TRHDE: variants seen among roughly 807,000 people sequenced by gnomAD.
TRHDE encodes the protein thyrotropin releasing hormone degrading enzyme, also known as thyrotropin-releasing hormone-degrading ectoenzyme.
A neutral mutation model predicts 125.7 loss-of-function variants in TRHDE; 72 were observed. That is an observed-to-expected ratio of 0.57 (90% confidence interval 0.47 to 0.70). TRHDE has a LOEUF of 0.70. Among genes scored for constraint, TRHDE ranks in the 30% least tolerant of loss-of-function variants. The pLI, the probability that TRHDE is intolerant of heterozygous loss-of-function variation, is 0.00. For missense variants in TRHDE, 1,110 were observed against 1,327.1 expected, an observed-to-expected ratio of 0.84 and a Z score of 2.54; for synonymous variants, 509 against 509.1, an observed-to-expected ratio of 1.00 and a Z score of 0.00.
chr12:72,243,668 G>A (rs1320970053), intron 2 of TRHDE, among the ~76,000 whole-genome samples: 1 of 152,154 alleles, frequency 6.6e-6, no homozygotes, highest in Non-Finnish European at 1.5e-5. Flanking sequence ...CTATGTAACA[G>A]CACTGCTTTT....
intron 6 of TRHDE, among the ~76,000 whole-genome samples, chr12:72,505,686 G>C (rs1472944158): frequency 1.3e-5 from 2 of 152,092 alleles, no homozygotes; most frequent in Non-Finnish European, 2.9e-5. Context: ...AATCTTCAAG[G>C]GATCATTGGG....
At chr12:72,385,876 C>T (rs1435968014) in intron 3 of TRHDE, among the ~76,000 whole-genome samples, 2 of 152,042 alleles carry the variant, frequency 1.3e-5, no homozygotes, top group South Asian at 2.1e-4. Flanking sequence ...TCAATGAAAA[C>T]AATGCATCTG....
intron 10 of TRHDE, 34 bp downstream of exon 10, chr12:72,568,690 GGTTT>G: frequency 1.4e-6 from 2 of 1,457,474 alleles, no homozygotes; most frequent in Non-Finnish European, 1.9e-6. Flanking sequence ...GGAAGTATCT[GGTTT>G]CAGATAATTG....
At chr12:72,222,045 A>T (rs949112561) in intron 2 of TRHDE, among the ~76,000 whole-genome samples, 9 of 152,092 alleles carry the variant, frequency 5.9e-5, no homozygotes, top group African/African-American at 2.2e-4. Flanking sequence ...AATTTCTTAC[A>T]TCGTGGTCGA....
rs115481048 is a variant in TRHDE, at chr12:72,542,523, A to G, written c.1788+167A>G. On this transcript the variant is annotated intron_variant, in intron 7 of 18. Coordinates refer to ENST00000261180, the MANE Select transcript of TRHDE (RefSeq NM_013381.3). ...AATGAAAATTCTAGATAGGATACTC[A>G]CGATATCAACTGACAAAACTTGAAC... Among the ~76,000 whole-genome samples, 1,480 of 151,478 alleles carry G rather than the reference A, an allele frequency of 9.8e-3. 26 individuals carry two copies. The highest frequency in any genetic ancestry group is 0.034 in the African/African-American group (1,407 of 41,478).
chr12:72,144,621 T>C (rs1449384051), intron 2 of TRHDE, among the ~76,000 whole-genome samples: 2 of 152,204 alleles, frequency 1.3e-5, no homozygotes, highest in Admixed American at 6.5e-5. Context: ...TTGTTTTCCA[T>C]GAAGTCCCTG....
intron 7 of TRHDE, among the ~76,000 whole-genome samples, chr12:72,561,836 T>A (rs895577553): frequency 1.1e-4 from 17 of 152,176 alleles, no homozygotes; most frequent in Non-Finnish European, 1.5e-5. Context: ...AAAGTTTCTC[T>A]AAATATTTCA....
rs901534575 is a variant in TRHDE, at chr12:72,273,774, G to A, written c.914+217G>A. 7 of 548,954 alleles carry A rather than the reference G, an allele frequency of 1.3e-5. No homozygotes were observed. In the African/African-American group the frequency reaches 1.3e-4, roughly 10 times the overall value. The allele number at this position is 548,954 out of a possible 1,614,324, so 34.0% of individuals were successfully genotyped here. A position where few individuals can be genotyped will look rare whatever the true frequency, so the allele number is the denominator to read the frequency against. ...CAACTTCGCAAACTGACTCACCGGT[G>A]CCAAAAGATGAATGCTGCCCCCTCC... On this transcript the variant is annotated intron_variant, in intron 1 of 18. Coordinates refer to ENST00000261180, the MANE Select transcript of TRHDE (RefSeq NM_013381.3). This position sits in a 1 kb window ranked among gnomAD's most constrained non-coding sequence, Gnocchi z 5.3.
chr12:72,244,309 A>G (rs1387879785), intron 2 of TRHDE, among the ~76,000 whole-genome samples: 1 of 152,184 alleles, frequency 6.6e-6, no homozygotes, highest in African/African-American at 2.4e-5. Context: ...GAGCTTTTCC[A>G]AAGGATATTA....
intron 3 of TRHDE, among the ~76,000 whole-genome samples, chr12:72,426,087 TACAAGTG>T (rs1874173607): frequency 6.6e-6 from 1 of 152,122 alleles, no homozygotes; most frequent in Non-Finnish European, 1.5e-5. Context: ...TGGAATTATA[TACAAGTG>T]ACAATAGTAT....
intron 3 of TRHDE, among the ~76,000 whole-genome samples, chr12:72,443,071 C>T (rs1261615077): frequency 6.6e-6 from 1 of 151,772 alleles, no homozygotes; most frequent in Non-Finnish European, 1.5e-5. Context: ...CATGTAAAGT[C>T]CTCCACGATT....
intron 1 of TRHDE, among the ~76,000 whole-genome samples, chr12:72,277,921 A>G (rs1879549750): frequency 6.6e-6 from 1 of 152,106 alleles, no homozygotes; most frequent in African/African-American, 2.4e-5. Flanking sequence ...CAAATGCATC[A>G]TCTCATATAG....
At chr12:72,434,241 C>T (rs182909115) in intron 3 of TRHDE, among the ~76,000 whole-genome samples, 94 of 151,790 alleles carry the variant, frequency 6.2e-4, no homozygotes, top group African/African-American at 1.8e-3. Context: ...AAAAATTAGC[C>T]GAGCATGGTG....
At chr12:72,598,710 TTTTTC>T (rs1413498465) in intron 12 of TRHDE, among the ~76,000 whole-genome samples, 1 of 152,118 alleles carries the variant, frequency 6.6e-6, no homozygotes, top group African/African-American at 2.4e-5. Flanking sequence ...TCCTGGTTAG[TTTTTC>T]TTTTCTTTTT....
intron 2 of TRHDE, among the ~76,000 whole-genome samples, chr12:72,173,672 T>C (rs1876926348): frequency 6.6e-6 from 1 of 152,148 alleles, no homozygotes; most frequent in Admixed American, 6.6e-5. Context: ...ATTGTAAACT[T>C]AAAGAGTTAC....
At chr12:72,297,324 T>C (rs1265973098) in intron 2 of TRHDE, among the ~76,000 whole-genome samples, 1 of 151,954 alleles carries the variant, frequency 6.6e-6, no homozygotes, top group Non-Finnish European at 1.5e-5. Context: ...AGAGTAGAGA[T>C]ATGAAGTGGA....
At chr12:72,372,109 T>C (rs1043414837) in intron 2 of TRHDE, among the ~76,000 whole-genome samples, 20 of 149,766 alleles carry the variant, frequency 1.3e-4, no homozygotes, top group Non-Finnish European at 2.6e-4. Context: ...TGGCATCTCA[T>C]TGTGGTTTTG....
At chr12:72,652,019 TAA>T (rs1406144113) in intron 15 of TRHDE, among the ~76,000 whole-genome samples, 4 of 152,006 alleles carry the variant, frequency 2.6e-5, no homozygotes, top group Non-Finnish European at 4.4e-5. Context: ...GGTGAAAAGA[TAA>T]AGTGCCTTAT....
intron 6 of TRHDE, among the ~76,000 whole-genome samples, chr12:72,537,010 GA>G (rs1229403385): frequency 6.6e-6 from 1 of 152,070 alleles, no homozygotes; most frequent in Non-Finnish European, 1.5e-5. Flanking sequence ...GGGATCACAA[GA>G]GGTCATCTAA....
Sources: gnomAD v4.1 joint callset for allele counts (sites outside exome capture counted in the v4.1 genomes callset) on GRCh38, gnomAD v4.1.1 for gene constraint, Gnocchi (gnomAD v3.1) non-coding constraint, MANE v1.5 for transcripts, NCBI Gene and HGNC (gene_info 2026-07-23, HGNC 2026-07-21) for gene names.